The following NRXN1 variants were observed in gnomAD, a reference collection of about 807,000 sequenced individuals.
NRXN1 encodes neurexin-1.
A neutral mutation model predicts 150.9 loss-of-function variants in NRXN1; 39 were observed. That is an observed-to-expected ratio of 0.26 (90% confidence interval 0.20 to 0.34). NRXN1 has a LOEUF of 0.34. Ranked by LOEUF, NRXN1 falls within the 10% of genes least tolerant of loss-of-function variation. The probability of loss-of-function intolerance (pLI) is 1.00; values close to 1 mark genes in which losing one functional copy is unlikely to be tolerated. For missense variants in NRXN1, 1,815 were observed against 1,949.9 expected, an observed-to-expected ratio of 0.93 and a Z score of 1.30; for synonymous variants, 924 against 757.0, an observed-to-expected ratio of 1.22 and a Z score of -3.62.
intron 5 of NRXN1, among the ~76,000 whole-genome samples, chr2:50,642,257 A>C (rs961966423): frequency 6.6e-6 from 1 of 152,064 alleles, no homozygotes; most frequent in Admixed American, 6.6e-5. Context: ...AGATATTTAC[A>C]ATGCAAAGGG....
chr2:50,476,695 A>C (rs939387349), intron 15 of NRXN1, among the ~76,000 whole-genome samples: 22 of 152,106 alleles, frequency 1.4e-4, no homozygotes, highest in Admixed American at 7.2e-4. Flanking sequence ...TGTCAATTTT[A>C]TAAATTCTCC....
At chr2:50,206,259 ACAC>A (rs753507707) in intron 18 of NRXN1, among the ~76,000 whole-genome samples, 1 of 147,540 alleles carries the variant, frequency 6.8e-6, no homozygotes, top group Non-Finnish European at 1.5e-5. Flanking sequence ...ACACACACAC[ACAC>A]AACAATTTTT....
At chr2:50,415,277 T>C (rs555808024) in intron 17 of NRXN1, among the ~76,000 whole-genome samples, 4 of 152,322 alleles carry the variant, frequency 2.6e-5, no homozygotes, top group African/African-American at 9.6e-5. Context: ...CACAGATTAA[T>C]GCACTTTCCC....
intron 5 of NRXN1, among the ~76,000 whole-genome samples, chr2:50,770,009 T>C (rs781220368): frequency 6.6e-5 from 10 of 152,114 alleles, no homozygotes; most frequent in Non-Finnish European, 1.5e-4. Context: ...TCTGCAGCAG[T>C]AGAACTTCAC....
intron 8 of NRXN1, among the ~76,000 whole-genome samples, chr2:50,578,662 G>C (rs978854017): frequency 2.0e-5 from 3 of 151,850 alleles, no homozygotes; most frequent in African/African-American, 7.3e-5. Context: ...GTATAGGCTT[G>C]TATATCCACC....
Position 51,028,166 on chromosome 2 carries a change from G to T in NRXN1, c.108C>A (p.Ala36=). ...ELGSGLEFPG[A]EGQWTRFPKW... is the part of the protein sequence containing the mutation. ...TGGGGAAGCGCGTCCATTGGCCCTC[G>T]GCGCCCGGAAACTCCAGCCCGCTGC... The change falls in exon 2 of 23, where the codon GCC becomes GCA. Residue 36 remains alanine (A), a synonymous_variant. Coordinates refer to ENST00000401669, the MANE Select transcript of NRXN1 (RefSeq NM_001330078.2). The T allele has an allele frequency of 6.6e-7, 1 of 1,519,200 alleles. No homozygotes were observed. Among genetic ancestry groups the T allele is most frequent in the Non-Finnish European group, 8.8e-7 (1 of 1,136,894 alleles). The allele number at this position is 1,519,200 out of a possible 1,614,324, so 94.1% of individuals were successfully genotyped here.
At chr2:50,341,412 ATC>A (rs1343209693) in intron 17 of NRXN1, among the ~76,000 whole-genome samples, 1 of 150,718 alleles carries the variant, frequency 6.6e-6, no homozygotes, top group African/African-American at 2.5e-5. Context: ...AAAAAAAAAA[ATC>A]ATTGGGAACC....
chr2:50,521,171 C>T (rs954638011), intron 12 of NRXN1, among the ~76,000 whole-genome samples: 1 of 152,102 alleles, frequency 6.6e-6, no homozygotes. Context: ...TCTTCGTAAG[C>T]AACATTTAAA....
chr2:50,599,797 T>A (rs1018856935), intron 8 of NRXN1, among the ~76,000 whole-genome samples: 1 of 152,184 alleles, frequency 6.6e-6, no homozygotes, highest in Non-Finnish European at 1.5e-5. Context: ...AAAATATGCA[T>A]TATAATTCCA....
At chr2:50,491,880 C>A (rs1178937928) in intron 15 of NRXN1, among the ~76,000 whole-genome samples, 1 of 152,124 alleles carries the variant, frequency 6.6e-6, no homozygotes, top group Non-Finnish European at 1.5e-5. Flanking sequence ...AAAAGCAATT[C>A]TTCCTCCCTA....
chr2:50,513,665 G>A (rs908510120), intron 12 of NRXN1, among the ~76,000 whole-genome samples: 1 of 152,104 alleles, frequency 6.6e-6, no homozygotes, highest in Non-Finnish European at 1.5e-5. Context: ...GTTTATGAAT[G>A]TGGAGGGAAA....
rs76123727 is a variant in NRXN1, at chr2:50,305,403, C to T, written c.3365-68433G>A. ...TCAAATAGCCATTTAATTTTGTAAA[C>T]ATGTTTTTAATATAGTCTTGTAATT... On this transcript the variant is annotated intron_variant, in intron 17 of 22. Coordinates refer to ENST00000401669, the MANE Select transcript of NRXN1 (RefSeq NM_001330078.2). Among the ~76,000 whole-genome samples, 1,123 of 152,164 alleles carry T rather than the reference C, an allele frequency of 7.4e-3. 16 individuals carry two copies. The highest frequency in any genetic ancestry group is 0.025 in the African/African-American group (1,049 of 41,524).
chr2:50,892,702 A>C (rs1194411688), intron 5 of NRXN1, among the ~76,000 whole-genome samples: 1 of 152,212 alleles, frequency 6.6e-6, no homozygotes, highest in Non-Finnish European at 1.5e-5. Flanking sequence ...TAATATAAAC[A>C]TTCTTTACTT....
chr2:50,543,437 T>C (rs1247611013), intron 9 of NRXN1, among the ~76,000 whole-genome samples: 1 of 152,098 alleles, frequency 6.6e-6, no homozygotes, highest in Admixed American at 6.5e-5. Flanking sequence ...AAAAATAAAT[T>C]ATTTGTGGAC....
intron 17 of NRXN1, among the ~76,000 whole-genome samples, chr2:50,305,853 T>C (rs2152958396): frequency 6.6e-6 from 1 of 152,324 alleles, no homozygotes; most frequent in African/African-American, 2.4e-5. Flanking sequence ...TATCCCTTCT[T>C]TTCCCTGCCA....
chr2:50,976,651 T>A (rs949891601), intron 2 of NRXN1, among the ~76,000 whole-genome samples: 1 of 151,974 alleles, frequency 6.6e-6, no homozygotes, highest in African/African-American at 2.4e-5. Context: ...CTCTGTAATG[T>A]TAGAAGACAG....
intron 19 of NRXN1, among the ~76,000 whole-genome samples, chr2:50,076,057 A>G (rs529489271): frequency 1.9e-4 from 29 of 152,332 alleles, no homozygotes; most frequent in South Asian, 2.1e-4. Context: ...TTGATTACTG[A>G]ACACCATTCT....
At chr2:50,379,717 G>T (rs144649368) in intron 17 of NRXN1, among the ~76,000 whole-genome samples, 1 of 152,116 alleles carries the variant, frequency 6.6e-6, no homozygotes, top group African/African-American at 2.4e-5. Flanking sequence ...AAATAGAAGG[G>T]TGTAAAAAAG....
chr2:50,509,336 G>A (rs2092363533), intron 12 of NRXN1, among the ~76,000 whole-genome samples: 1 of 152,150 alleles, frequency 6.6e-6, no homozygotes. Flanking sequence ...TGATCACACT[G>A]CTAGCAAATC....
Sources: gnomAD v4.1 joint callset for allele counts (sites outside exome capture counted in the v4.1 genomes callset) on GRCh38, gnomAD v4.1.1 for gene constraint, MANE v1.5 for transcripts, NCBI Gene and HGNC (gene_info 2026-07-23, HGNC 2026-07-21) for gene names.